Variants in AK3 observed in about 807,000 individuals in gnomAD.
AK3 encodes GTP:AMP phosphotransferase AK3, mitochondrial.
A neutral mutation model predicts 23.7 loss-of-function variants in AK3; 27 were observed. That is an observed-to-expected ratio of 1.14 (90% CI 0.84 to 1.57). AK3 has a LOEUF of 1.57. Among genes scored for constraint, AK3 ranks in the 40% most tolerant of loss-of-function variants. The pLI is 0.00. For missense variants in AK3, 406 were observed against 285.6 expected (o/e 1.42, Z -3.04); for synonymous variants, 159 against 116.0 (o/e 1.37, Z -2.38).
Position 4,735,396 on chromosome 9 carries a change from T to C in AK3, c.151+5541A>G, listed in dbSNP as rs189475210. ...AAATATATATACATATATAAATATATATACATATATAAATATATATACATA... is the reference window on the plus strand; with the variant it reads ...AAATATATATACATATATAAATATACATACATATATAAATATATATACATA... On this transcript the variant is annotated intron_variant, in intron 1 of 4. Transcript: ENST00000381809. Among the ~76,000 whole-genome samples, 38 of 101,954 alleles carry C rather than the reference T, an allele frequency of 3.7e-4. 2 individuals are homozygous for C. Among genetic ancestry groups the C allele is most frequent in the African/African-American group, 5.7e-4 (14 of 24,498 alleles). 66.9% of individuals were successfully genotyped at this position (101,954 alleles called of 152,430 possible).
intron 1 of AK3, among the ~76,000 whole-genome samples, chr9:4,725,347 A>C (rs947038795): frequency 3.3e-5 from 5 of 152,130 alleles, no homozygotes; most frequent in Non-Finnish European, 5.9e-5. Context: ...CACAGGTATA[A>C]ATCTTCATCA....
In AK3 at chr9:4,712,482, T is replaced by C. The variant is rs1841587186; in HGVS notation, c.*494A>G. 6.6e-6 allele frequency: 1 copy of C among 152,384 alleles called. No individual in the cohort carries two copies. Among genetic ancestry groups the C allele is most frequent in the Non-Finnish European group, 1.5e-5 (1 of 68,170 alleles). The allele number at this position is 152,384 out of a possible 1,614,324, so 9.4% of individuals were successfully genotyped here. ...CAGTGAATTTGTGTCTCACAATAAA[T>C]CTGTAAATCCAGTTGCTTTCTTTCT... On this transcript the variant is annotated 3_prime_UTR_variant, in exon 5 of 5. Coordinates refer to ENST00000381809, the MANE Select transcript of AK3 (RefSeq NM_016282.4).
At chr9:4,729,582 C>G (rs1842107279) in intron 1 of AK3, among the ~76,000 whole-genome samples, 1 of 152,058 alleles carries the variant, frequency 6.6e-6, no homozygotes, top group South Asian at 2.1e-4. Flanking sequence ...TGCCTGTAAT[C>G]CCAATGTTTT....
chr9:4,738,046 A>C (rs1842337591), intron 1 of AK3, among the ~76,000 whole-genome samples: 1 of 152,260 alleles, frequency 6.6e-6, no homozygotes, highest in Non-Finnish European at 1.5e-5. Context: ...GGAAATAAGC[A>C]AAGATTTGCC....
chr9:4,729,566 G>C (rs1587652602), intron 1 of AK3, among the ~76,000 whole-genome samples: 1 of 152,188 alleles, frequency 6.6e-6, no homozygotes, highest in South Asian at 2.1e-4. Flanking sequence ...CAGCTGTGGT[G>C]GCTCATGCCT....
chr9:4,718,943 C>T (rs968107442), intron 3 of AK3, among the ~76,000 whole-genome samples, 192 bp downstream of exon 3: 1 of 152,200 alleles, frequency 6.6e-6, no homozygotes, highest in Non-Finnish European at 1.5e-5. Context: ...GAGTAACAAA[C>T]CCCTGCTGCT....
intron 4 of AK3, among the ~76,000 whole-genome samples, chr9:4,717,813 T>C (rs920144708): frequency 2.6e-5 from 4 of 152,236 alleles, no homozygotes; most frequent in Admixed American, 1.3e-4. Context: ...GGCTAAGTTA[T>C]GGTGCTTGGT....
At chr9:4,715,216 CAAAA>C (rs1237615381) in intron 4 of AK3, among the ~76,000 whole-genome samples, 31 of 56,982 alleles carry the variant, frequency 5.4e-4, no homozygotes, top group Non-Finnish European at 8.5e-4. Context: ...GACTCCGTCT[CAAAA>C]AAAAAAAAAA....
At chr9:4,716,804 G>A (rs1248641229) in intron 4 of AK3, among the ~76,000 whole-genome samples, 1 of 152,118 alleles carries the variant, frequency 6.6e-6, no homozygotes, top group Non-Finnish European at 1.5e-5. Context: ...GGTGGCACGG[G>A]CCTATAGTCC....
At position 4,714,045 on chromosome 9, in the gene AK3, CATATACACCTACACAT is replaced by C. The variant is rs1477872974; in HGVS notation, c.564-965_564-950del. Among the ~76,000 whole-genome samples the C allele has an allele frequency of 9.3e-5, 2 of 21,480 alleles. 1 individual carries two copies. The highest frequency in any genetic ancestry group is 2.7e-4 in the African/African-American group (2 of 7,386). 14.1% of individuals were successfully genotyped at this position (21,480 alleles called of 152,430 possible). On this transcript the variant is annotated intron_variant, in intron 4 of 4. Transcript: ENST00000381809. ...ATACAGCTACACATATACATCTACA[CATATACACCTACACAT>C]ATACACACCTACACATATACACACC...
intron 1 of AK3, among the ~76,000 whole-genome samples, chr9:4,722,920 A>G (rs537387194): frequency 6.6e-6 from 1 of 152,094 alleles, no homozygotes; most frequent in Non-Finnish European, 1.5e-5. Context: ...GCCGGACATG[A>G]TGGCGGGTGC....
At chr9:4,735,404 TATAA>T (rs1197907156) in intron 1 of AK3, among the ~76,000 whole-genome samples, 1 of 132,358 alleles carries the variant, frequency 7.6e-6, no homozygotes, top group African/African-American at 3.0e-5. Context: ...TATATACATA[TATAA>T]ATATATATAC....
chr9:4,730,743 C>A (rs429491), intron 1 of AK3, among the ~76,000 whole-genome samples: 132,153 of 152,268 alleles, frequency 0.87, 57,454 homozygotes, highest in East Asian at 0.94. Flanking sequence ...TAGAACAAGA[C>A]AGACATTGAG....
At chr9:4,726,142 G>A (rs561018305) in intron 1 of AK3, among the ~76,000 whole-genome samples, 1 of 152,302 alleles carries the variant, frequency 6.6e-6, no homozygotes, top group South Asian at 2.1e-4. Flanking sequence ...CCTTCAGAGA[G>A]TCTTAATCTT....
At chr9:4,732,116 A>T (rs981986362) in intron 1 of AK3, among the ~76,000 whole-genome samples, 6 of 151,400 alleles carry the variant, frequency 4.0e-5, no homozygotes, top group Non-Finnish European at 8.8e-5. Flanking sequence ...TGCCTGGCTA[A>T]TTTTTTTTAC....
At chr9:4,714,991 G>A (rs1056471490) in intron 4 of AK3, among the ~76,000 whole-genome samples, 6 of 152,116 alleles carry the variant, frequency 3.9e-5, no homozygotes, top group Non-Finnish European at 7.4e-5. Context: ...GGCCAAGGAG[G>A]GTGGATCACT....
chr9:4,722,596 C>T lies in AK3; in HGVS notation c.181G>A (p.Asp61Asn). 1 of 1,614,098 alleles carries T rather than the reference C, an allele frequency of 6.2e-7. No individual in the cohort carries two copies. The highest frequency in any genetic ancestry group is 1.1e-5 in the South Asian group (1 of 91,076). ...TCATCTGGGATGAGTTTCCCTTGGT[C>T]AATGAAAGCCTTGGCTAACACGCCA... is the stretch of plus-strand genomic sequence containing the variant. ...EIGVLAKAFI[D>N]QGKLIPDDVM... Residue 61 changes from aspartate (D) to asparagine (N), a missense_variant, in exon 2 of 5, where the codon GAC (aspartate) becomes AAC (asparagine). By Grantham distance (23) the Asp-to-Asn change is conservative. Transcript: ENST00000381809.
At chr9:4,737,260 A>C (rs1359919026) in intron 1 of AK3, among the ~76,000 whole-genome samples, 1 of 150,266 alleles carries the variant, frequency 6.7e-6, no homozygotes, top group Non-Finnish European at 1.5e-5. Context: ...TAAAATAAAT[A>C]AAAAGTTTTT....
chr9:4,741,212 C>A, upstream of AK3: 1 of 1,125,484 alleles, frequency 8.9e-7, no homozygotes, highest in East Asian at 3.2e-5. Context: ...TGCGGTTCCC[C>A]GGCGTTCCCG....
Sources: gnomAD v4.1 joint callset for allele counts (sites outside exome capture counted in the v4.1 genomes callset) on GRCh38, gnomAD v4.1.1 for gene constraint, MANE v1.5 for transcripts, NCBI Gene and HGNC (gene_info 2026-07-23, HGNC 2026-07-21) for gene names.